The following AK7 variants were observed in gnomAD, a reference collection of about 807,000 sequenced individuals.
The protein encoded by AK7 is ATP-AMP transphosphorylase 7.
A neutral mutation model predicts 96.6 loss-of-function variants in AK7; 78 were observed. The ratio of observed to expected loss-of-function variants is 0.81; its 90% CI spans 0.67 to 0.97. AK7 has a LOEUF of 0.97. Among genes scored for constraint, AK7 ranks in the 50% least tolerant of loss-of-function variants. AK7 has a pLI of 0.00. For synonymous variants in AK7, 302 were observed against 317.2 expected (o/e 0.95, Z 0.51); for missense variants, 855 against 887.9 (o/e 0.96, Z 0.47).
At chr14:96,401,700 A>G (rs997564346) in intron 2 of AK7, among the ~76,000 whole-genome samples, 1 of 151,998 alleles carries the variant, frequency 6.6e-6, no homozygotes, top group African/African-American at 2.4e-5. Flanking sequence ...GGTGAGGGAA[A>G]GGTGAGAATG....
At chr14:96,438,037 C>A in intron 6 of AK7, 122 bp downstream of exon 6, 1 of 709,958 alleles carries the variant, frequency 1.4e-6, no homozygotes, top group Non-Finnish European at 2.3e-6. Flanking sequence ...AAGATGAAGG[C>A]AAGTATGGAT....
At chr14:96,426,771 T>A (rs892989993) in intron 5 of AK7, among the ~76,000 whole-genome samples, 1 of 152,268 alleles carries the variant, frequency 6.6e-6, no homozygotes, top group Non-Finnish European at 1.5e-5. Context: ...AAAAGTCTGC[T>A]GCTAGATGTA....
intron 2 of AK7, among the ~76,000 whole-genome samples, chr14:96,402,903 C>A (rs560372065): frequency 6.6e-6 from 1 of 151,372 alleles, no homozygotes; most frequent in Non-Finnish European, 1.5e-5. Context: ...GCCAAGCGGG[C>A]GGATCACCTG....
intron 14 of AK7, among the ~76,000 whole-genome samples, chr14:96,473,555 G>T (rs1477312716): frequency 6.6e-6 from 1 of 151,286 alleles, no homozygotes; most frequent in Admixed American, 6.6e-5. Context: ...TGTGCCAAAA[G>T]AATCTTTTTG....
chr14:96,401,471 A>G (rs949836367), intron 2 of AK7, among the ~76,000 whole-genome samples: 1 of 152,060 alleles, frequency 6.6e-6, no homozygotes, highest in African/African-American at 2.4e-5. Flanking sequence ...TCCGTGGTTG[A>G]GTGGAGCTTG....
chr14:96,475,068 C>G (rs1895099834), intron 14 of AK7, among the ~76,000 whole-genome samples: 1 of 152,220 alleles, frequency 6.6e-6, no homozygotes, highest in African/African-American at 2.4e-5. Context: ...GTCAAGTGAC[C>G]AAGGACTCTT....
chr14:96,448,986 A>G (rs1473207874), intron 8 of AK7, among the ~76,000 whole-genome samples: 1 of 84,984 alleles, frequency 1.2e-5, no homozygotes, highest in Non-Finnish European at 2.6e-5. Context: ...ATTGTGGGGA[A>G]AAAAAAAAGG....
At chr14:96,400,030 C>CG (rs1890315027) in intron 2 of AK7, among the ~76,000 whole-genome samples, 1 of 86,346 alleles carries the variant, frequency 1.2e-5, no homozygotes, top group Non-Finnish European at 2.2e-5. Flanking sequence ...CAAAAACAAT[C>CG]TTTTTTTTTT....
chr14:96,415,919 G>A (rs376059932), intron 4 of AK7, among the ~76,000 whole-genome samples: 57 of 152,028 alleles, frequency 3.7e-4, no homozygotes, highest in African/African-American at 1.3e-3. Context: ...GTCTAGCTAT[G>A]TACTTGTTTC....
chr14:96,471,645 A>G (rs1415835418), intron 13 of AK7, 39 bp downstream of exon 13: 3 of 1,430,222 alleles, frequency 2.1e-6, no homozygotes, highest in African/African-American at 2.9e-5. Flanking sequence ...TTATATTCAG[A>G]TAAGTTGCAA....
rs781743363 is a variant in AK7, at chr14:96,398,212, G to A, written c.243G>A (p.Thr81=). The A allele has an allele frequency of 1.3e-5, 21 of 1,613,918 alleles. No individual in the cohort carries two copies. The East Asian group carries it at 2.5e-4, about 19-fold the overall frequency. The change falls in exon 2 of 18, where the codon ACG becomes ACA. Residue 81 remains threonine, a synonymous_variant. Coordinates refer to ENST00000267584, the MANE Select transcript of AK7 (RefSeq NM_152327.5). ...AAGGCACATTCCAGATTGTGGGCAC[G>A]CTGTCCAAGCCTGACAGCCCGCGGC... ...VKEGTFQIVG[T]LSKPDSPRPD...
At chr14:96,484,697 G>A (rs1895681578) in intron 16 of AK7, among the ~76,000 whole-genome samples, 1 of 152,144 alleles carries the variant, frequency 6.6e-6, no homozygotes, top group Admixed American at 6.5e-5. Context: ...CCCACAACCT[G>A]TCACATCCCC....
chr14:96,425,744 A>G (rs953174316), intron 5 of AK7, among the ~76,000 whole-genome samples: 5 of 152,098 alleles, frequency 3.3e-5, no homozygotes, highest in African/African-American at 1.2e-4. Context: ...TCGGCCTCCC[A>G]AAGTGCTGGG....
intron 4 of AK7, among the ~76,000 whole-genome samples, chr14:96,417,046 C>CAA (rs1891386681): frequency 6.6e-6 from 1 of 152,178 alleles, no homozygotes; most frequent in Non-Finnish European, 1.5e-5. Flanking sequence ...CCGTTGAAGA[C>CAA]AAAGGGTAGG....
chr14:96,421,771 A>G lies in AK7; in HGVS notation c.609+839A>G, dbSNP rs140165822. 6.7e-4 allele frequency among the ~76,000 whole-genome samples: 102 copies of G among 152,000 alleles called. 1 individual carries two copies. Among genetic ancestry groups the G allele is most frequent in the African/African-American group, 2.2e-3 (90 of 41,464 alleles). ...CAGGCACGTGCCACCATGCTCGGCT[A>G]ATTTTTTGTATTTTTAGTAGAGTCA... On this transcript the variant is annotated intron_variant, in intron 5 of 17. Coordinates refer to ENST00000267584, the MANE Select transcript of AK7 (RefSeq NM_152327.5).
At chr14:96,393,960 T>C (rs536627594) in intron 1 of AK7, among the ~76,000 whole-genome samples, 2 of 151,996 alleles carry the variant, frequency 1.3e-5, no homozygotes, top group Non-Finnish European at 2.9e-5. Flanking sequence ...AGTACAAAAA[T>C]TAACCGGGCG....
rs936836221 is a variant in AK7, at chr14:96,486,824, T to C, written c.1975-74T>C. On this transcript the variant is annotated intron_variant, in intron 16 of 17. Coordinates refer to ENST00000267584, the MANE Select transcript of AK7 (RefSeq NM_152327.5). Reference sequence around the variant, plus strand: ...CATTTCTAGCAGTGTCTCAATGCACTGTAGGGTGAACTGTGTGAGTGTTCT... The same window carrying C: ...CATTTCTAGCAGTGTCTCAATGCACCGTAGGGTGAACTGTGTGAGTGTTCT... 4 of 1,398,430 alleles carry C rather than the reference T, an allele frequency of 2.9e-6. No individual in the cohort carries two copies. In the African/African-American group the frequency reaches 5.7e-5, roughly 20 times the overall value. 86.6% of individuals were successfully genotyped at this position (1,398,430 alleles called of 1,614,324 possible). A position where few individuals can be genotyped will look rare whatever the true frequency, so the allele number is the denominator to read the frequency against.
chr14:96,458,662 A>T (rs1307252565), intron 12 of AK7, among the ~76,000 whole-genome samples: 1 of 151,698 alleles, frequency 6.6e-6, no homozygotes, highest in African/African-American at 2.4e-5. Flanking sequence ...CAATTGCTTG[A>T]ACCTGGGAGG....
Position 96,487,132 on chromosome 14 carries a change from T to C in AK7, c.2133+76T>C, listed in dbSNP as rs1275649442. ...GCTTACACCTGTAATCCCAGCACTT[T>C]GGGAGGCCAAGGTCAGGGGATCACT... is the stretch of plus-strand genomic sequence containing the variant. On this transcript the variant is annotated intron_variant, in intron 17 of 17. Transcript: ENST00000267584. 1.6e-5 allele frequency: 24 copies of C among 1,514,174 alleles called. No homozygotes were observed. The East Asian group carries it at 5.3e-4, about 34-fold the overall frequency. The allele number at this position is 1,514,174 out of a possible 1,614,324, so 93.8% of individuals were successfully genotyped here. A position where few individuals can be genotyped will look rare whatever the true frequency, so the allele number is the denominator to read the frequency against.
Sources: allele counts gnomAD v4.1 joint callset (sites outside exome capture counted in the v4.1 genomes callset), GRCh38; gene constraint gnomAD v4.1.1; transcripts MANE v1.5; gene names NCBI Gene and HGNC (gene_info 2026-07-23, HGNC 2026-07-21).